ATP9A: variants seen among roughly 807,000 people sequenced by gnomAD.
The protein encoded by ATP9A is ATPase phospholipid transporting 9A.
ATP9A carries 52 observed loss-of-function variants against 144.1 expected under a neutral mutation model. That is an observed-to-expected ratio of 0.36 (90% CI 0.29 to 0.45). The LOEUF is 0.45. Among genes scored for constraint, ATP9A ranks in the 20% least tolerant of loss-of-function variants. ATP9A has a pLI of 1.00. For missense variants in ATP9A, 947 were observed against 1,392.7 expected (o/e 0.68, Z 5.09); for synonymous variants, 582 against 557.4 (o/e 1.04, Z -0.62).
intron 1 of ATP9A, among the ~76,000 whole-genome samples, chr20:51,751,780 G>T (rs1167535213): frequency 6.6e-6 from 1 of 152,052 alleles, no homozygotes; most frequent in Non-Finnish European, 1.5e-5. Context: ...AGTAGAGACG[G>T]GGTTTCACCG....
chr20:51,761,558 C>G lies in ATP9A; in HGVS notation c.68+6744G>C, dbSNP rs568557361. Among the ~76,000 whole-genome samples the G allele has an allele frequency of 1.1e-4, 16 of 151,942 alleles. No individual in the cohort carries two copies. The East Asian group carries it at 2.5e-3, about 24-fold the overall frequency. Reference sequence around the variant, plus strand: ...GGGCAGATCACGAGGTCAGGAGATCCAGACCATCCTGGCTAACACGGTGAA... The same window carrying G: ...GGGCAGATCACGAGGTCAGGAGATCGAGACCATCCTGGCTAACACGGTGAA... On this transcript the variant is annotated intron_variant, in intron 1 of 27. Coordinates refer to ENST00000338821, the MANE Select transcript of ATP9A (RefSeq NM_006045.3).
intron 14 of ATP9A, among the ~76,000 whole-genome samples, chr20:51,654,031 G>C (rs1263777588): frequency 1.3e-5 from 2 of 152,050 alleles, no homozygotes; most frequent in Non-Finnish European, 2.9e-5. Context: ...TGATAAACCT[G>C]AAATTGTCAC....
intron 9 of ATP9A, among the ~76,000 whole-genome samples, chr20:51,679,771 G>A (rs772668496): frequency 1.3e-5 from 2 of 152,184 alleles, no homozygotes; most frequent in Non-Finnish European, 2.9e-5. Flanking sequence ...CCTGGGGTCA[G>A]GGCTATTCTG....
intron 4 of ATP9A, among the ~76,000 whole-genome samples, chr20:51,704,219 A>G (rs1171461478): frequency 1.3e-5 from 2 of 151,052 alleles, no homozygotes; most frequent in Non-Finnish European, 2.9e-5. Flanking sequence ...TTTAAATGTA[A>G]CAAGTTTATA....
intron 27 of ATP9A, among the ~76,000 whole-genome samples, chr20:51,601,654 C>T (rs1260251417): frequency 1.3e-5 from 2 of 152,150 alleles, no homozygotes; most frequent in Non-Finnish European, 2.9e-5. Context: ...TGCCTTAATC[C>T]CAGCACTCTG....
chr20:51,682,484 C>G (rs1340830469), intron 9 of ATP9A, among the ~76,000 whole-genome samples: 1 of 149,508 alleles, frequency 6.7e-6, no homozygotes, highest in Non-Finnish European at 1.5e-5. Flanking sequence ...CCATCTTGTT[C>G]TCATTGCCTT....
intron 3 of ATP9A, among the ~76,000 whole-genome samples, chr20:51,716,667 A>C (rs1176533922): frequency 6.6e-6 from 1 of 152,092 alleles, no homozygotes; most frequent in Non-Finnish European, 1.5e-5. Flanking sequence ...GGGGCAAAAA[A>C]TTTAAAACTT....
intron 5 of ATP9A, 79 bp from the exon 6 acceptor site, chr20:51,696,223 AC>A: frequency 7.7e-7 from 1 of 1,291,976 alleles, no homozygotes; most frequent in Non-Finnish European, 1.1e-6. Flanking sequence ...TTCCGCCCCC[AC>A]CCCCAACCCC....
chr20:51,749,318 A>C (rs1024391240), intron 1 of ATP9A, among the ~76,000 whole-genome samples: 1 of 151,908 alleles, frequency 6.6e-6, no homozygotes, highest in African/African-American at 2.4e-5. Context: ...GCTGGAGTGC[A>C]GTGGTGCGAT....
intron 19 of ATP9A, among the ~76,000 whole-genome samples, chr20:51,619,628 G>A (rs2077218428): frequency 6.6e-6 from 1 of 151,444 alleles, no homozygotes; most frequent in African/African-American, 2.4e-5. Flanking sequence ...CAGCACCTTG[G>A]GAGGCTGAGG....
intron 9 of ATP9A, among the ~76,000 whole-genome samples, chr20:51,685,042 AC>A (rs2077517318): frequency 6.7e-6 from 1 of 149,964 alleles, no homozygotes; most frequent in African/African-American, 2.4e-5. Flanking sequence ...AAAAAAAAAT[AC>A]AAATAAATAG....
At chr20:51,705,485 A>G (rs540051950) in intron 4 of ATP9A, among the ~76,000 whole-genome samples, 3 of 152,326 alleles carry the variant, frequency 2.0e-5, no homozygotes, top group African/African-American at 7.2e-5. Flanking sequence ...AGATACGCAA[A>G]AGAGCATAGA....
intron 13 of ATP9A, among the ~76,000 whole-genome samples, chr20:51,659,071 A>C (rs1479334498): frequency 2.0e-5 from 3 of 151,954 alleles, no homozygotes; most frequent in African/African-American, 4.8e-5. Context: ...GGGCCTCTGC[A>C]CTTGCTGTGC....
At chr20:51,685,017 TAAAAAAAAAAAA>T (rs11325921) in intron 9 of ATP9A, among the ~76,000 whole-genome samples, 13 of 139,934 alleles carry the variant, frequency 9.3e-5, no homozygotes, top group African/African-American at 2.6e-5. Flanking sequence ...TCTCCAAAAA[TAAAAAAAAAAAA>T]AAAAAAAAAA....
chr20:51,724,173 A>AAAAC (rs2077702394), intron 3 of ATP9A, among the ~76,000 whole-genome samples: 1 of 151,964 alleles, frequency 6.6e-6, no homozygotes, highest in African/African-American at 2.4e-5. Context: ...CTCCATCTCA[A>AAAAC]AAATAAATAA....
At chr20:51,634,218 A>G (rs1281287950) in intron 15 of ATP9A, among the ~76,000 whole-genome samples, 1 of 152,182 alleles carries the variant, frequency 6.6e-6, no homozygotes, top group Non-Finnish European at 1.5e-5. Context: ...GGACTGCTCA[A>G]TGATAAGTCA....
rs1286941434 is a variant in ATP9A at position 51,684,726 on chromosome 20, C to A, written c.799+4338G>T. ...AAAAAAAAAAAAAGGAAAGAAAATACAGGCCTGGGCGCGGTGGCTCACGCC... is the reference window on the plus strand; with the variant it reads ...AAAAAAAAAAAAAGGAAAGAAAATAAAGGCCTGGGCGCGGTGGCTCACGCC... On this transcript the variant is annotated intron_variant, in intron 9 of 27. Transcript: ENST00000338821. Among the ~76,000 whole-genome samples the A allele has an allele frequency of 1.4e-3, 183 of 130,608 alleles. 1 individual carries two copies. The highest frequency in any genetic ancestry group is 5.1e-3 in the African/African-American group (180 of 35,032). 85.7% of individuals were successfully genotyped at this position (130,608 alleles called of 152,430 possible). A position where few individuals can be genotyped will look rare whatever the true frequency, so the allele number is the denominator to read the frequency against.
Position 51,674,210 on chromosome 20 carries a change from C to A in ATP9A, c.980G>T (p.Arg327Leu), listed in dbSNP as rs756678556. 1.2e-6 allele frequency: 2 copies of A among 1,613,934 alleles called. No individual in the cohort carries two copies. Among genetic ancestry groups the A allele is most frequent in the African/African-American group, 1.3e-5 (1 of 75,000 alleles). ...GAAGCGGATGATCTGCAGGTACCAACGGCCTGCAAAGTGCTGAAGGGCAAC... is the reference window on the plus strand; with the variant it reads ...GAAGCGGATGATCTGCAGGTACCAAAGGCCTGCAAAGTGCTGAAGGGCAAC... ...VMVALQHFAG[R>L]WYLQIIRFLL... Residue 327 changes from arginine to leucine, a missense_variant, in exon 11 of 28, where the codon CGT becomes CTT. Physicochemically the swap from Arg to Leu is moderately radical, Grantham distance 102. Around this residue, in one of 2 missense-constraint regions of ATP9A, gnomAD observed 770 missense variants for 1,047.9 expected, o/e 0.73. Transcript: ENST00000338821.
At chr20:51,742,553 C>T (rs1297247216) in intron 1 of ATP9A, among the ~76,000 whole-genome samples, 1 of 151,894 alleles carries the variant, frequency 6.6e-6, no homozygotes, top group South Asian at 2.1e-4. Flanking sequence ...GTCTTGCTGT[C>T]GCCCAGGCTG....
Sources: gnomAD v4.1 joint callset for allele counts (sites outside exome capture counted in the v4.1 genomes callset) on GRCh38, gnomAD v4.1.1 for gene constraint, gnomAD v4.1.1 regional missense constraint, MANE v1.5 for transcripts, NCBI Gene and HGNC (gene_info 2026-07-23, HGNC 2026-07-21) for gene names.